The following CCDC3 variants were observed in gnomAD, a reference collection of about 807,000 sequenced individuals.
CCDC3 encodes coiled-coil domain containing 3, also known as coiled-coil domain-containing protein 3.
In CCDC3, 24 loss-of-function variants were observed where a neutral mutation model predicts 21.4. The observed-to-expected ratio is 1.12, with a 90% CI of 0.81 to 1.58. CCDC3 has a LOEUF of 1.58. CCDC3 is among the 40% of genes most tolerant of loss of function. The pLI is 0.00. For synonymous variants in CCDC3, 186 were observed against 166.0 expected, an observed-to-expected ratio of 1.12 and a Z score of -0.93; for missense variants, 425 against 360.9, an observed-to-expected ratio of 1.18 and a Z score of -1.44.
Position 13,016,907 on chromosome 10 carries a change from C to A in CCDC3, c.-1-18395G>T, listed in dbSNP as rs908077051. 3.9e-5 allele frequency among the ~76,000 whole-genome samples: 6 copies of A among 151,992 alleles called. 1 individual carries two copies. Among genetic ancestry groups the A allele is most frequent in the South Asian group, 4.2e-4 (2 of 4,810 alleles). On this transcript the variant is annotated intron_variant, in intron 5 of 6. Transcript: ENST00000378839. ...ATCCAGTGTGGGGACTAATATTTAG[C>A]CCGAATGACCCAGTCCATGACAATT...
intron 3 of CCDC3, among the ~76,000 whole-genome samples, chr10:13,076,363 C>G (rs936715690): frequency 6.6e-6 from 1 of 152,178 alleles, no homozygotes; most frequent in Non-Finnish European, 1.5e-5. Flanking sequence ...CTGGGCTGCC[C>G]TCCCCGAAAG....
In CCDC3 at chr10:13,095,027, G is replaced by C. The variant is rs373631779; in HGVS notation, c.-503+3498C>G. ...AATCCCAGAGCCTCATTCTGATGGA[G>C]GCTTCAACCATACACCTTGCTTCTC... On this transcript the variant is annotated intron_variant, in intron 3 of 6. Transcript: ENST00000378839. 4.6e-5 allele frequency among the ~76,000 whole-genome samples: 7 copies of C among 152,222 alleles called. No individual in the cohort carries two copies. In the East Asian group the frequency reaches 5.8e-4, roughly 13 times the overall value.
At chr10:12,923,779 C>T (rs1464964502) in intron 2 of CCDC3, among the ~76,000 whole-genome samples, 1 of 152,166 alleles carries the variant, frequency 6.6e-6, no homozygotes, top group Non-Finnish European at 1.5e-5. Flanking sequence ...GGCAGGTACT[C>T]GGTACATTTT....
chr10:13,020,358 C>G (rs1377967482), intron 5 of CCDC3, among the ~76,000 whole-genome samples: 1 of 152,186 alleles, frequency 6.6e-6, no homozygotes. Flanking sequence ...CTGTCATGAA[C>G]AGTTAGCGCG....
At chr10:12,906,116 G>A (rs979976234) in intron 2 of CCDC3, among the ~76,000 whole-genome samples, 3 of 152,176 alleles carry the variant, frequency 2.0e-5, no homozygotes, top group Admixed American at 2.0e-4. Flanking sequence ...CCACGTCCAC[G>A]CAGAACGGTT....
chr10:13,044,847 A>C (rs1836502767), intron 5 of CCDC3, among the ~76,000 whole-genome samples: 2 of 152,240 alleles, frequency 1.3e-5, no homozygotes, highest in South Asian at 4.1e-4. Flanking sequence ...GCAGTTTAAT[A>C]GAAATAGTGT....
chr10:13,067,714 C>T (rs1455139889), intron 4 of CCDC3, among the ~76,000 whole-genome samples: 1 of 152,182 alleles, frequency 6.6e-6, no homozygotes, highest in Non-Finnish European at 1.5e-5. Flanking sequence ...GTTGCTGATT[C>T]TCTTCCCCTC....
exon 5 of CCDC3, chr10:13,049,840 A>G (rs1271476275): frequency 1.3e-5 from 2 of 152,186 alleles, no homozygotes; most frequent in Non-Finnish European, 2.9e-5. Context: ...AAATTTATCC[A>G]GGTGTGGAGA....
chr10:12,916,252 T>TG (rs1834353460), intron 2 of CCDC3, among the ~76,000 whole-genome samples: 1 of 151,956 alleles, frequency 6.6e-6, no homozygotes, highest in Non-Finnish European at 1.5e-5. Context: ...GCCAACATGG[T>TG]GAAACCCCGT....
upstream of CCDC3, among the ~76,000 whole-genome samples, chr10:13,002,323 T>G (rs987326903): frequency 4.6e-5 from 7 of 152,118 alleles, no homozygotes; most frequent in African/African-American, 1.7e-4. Context: ...CATCAGTGAG[T>G]GAATTTGAGG....
intron 5 of CCDC3, among the ~76,000 whole-genome samples, chr10:13,045,158 A>G (rs1428809160): frequency 6.6e-6 from 1 of 152,342 alleles, no homozygotes; most frequent in Admixed American, 6.5e-5. Context: ...AATGTGATAT[A>G]TTCAATGCCT....
intron 2 of CCDC3, among the ~76,000 whole-genome samples, chr10:12,909,381 G>A (rs555293507): frequency 7.2e-4 from 110 of 152,168 alleles, no homozygotes; most frequent in Non-Finnish European, 1.3e-3. Context: ...TCTCCCCACC[G>A]TGCCCAGCAG....
chr10:12,978,071 T>C (rs895431090), intron 2 of CCDC3, among the ~76,000 whole-genome samples: 1 of 151,538 alleles, frequency 6.6e-6, no homozygotes, highest in East Asian at 1.9e-4. Context: ...CAGGCTGGAG[T>C]GCAGTGACAC....
intron 3 of CCDC3, among the ~76,000 whole-genome samples, chr10:13,085,008 A>G (rs1375566454): frequency 6.6e-6 from 1 of 152,180 alleles, no homozygotes; most frequent in Non-Finnish European, 1.5e-5. Context: ...CTGGTTTCAC[A>G]CTTGTTCAGA....
intron 3 of CCDC3, among the ~76,000 whole-genome samples, chr10:13,087,156 G>C (rs1444974133): frequency 6.6e-6 from 1 of 152,190 alleles, no homozygotes; most frequent in Admixed American, 6.5e-5. Context: ...TGTAATCCCA[G>C]CACTTTGGAA....
At chr10:12,901,108 G>T (rs35092545) in intron 2 of CCDC3, among the ~76,000 whole-genome samples, 33,030 of 151,902 alleles carry the variant, frequency 0.22, 4,189 homozygotes, top group Non-Finnish European at 0.29. Flanking sequence ...ATCTCTGAAG[G>T]GCGGTCCCCA....
intron 3 of CCDC3, among the ~76,000 whole-genome samples, chr10:13,088,550 T>A (rs1837140274): frequency 6.6e-6 from 1 of 151,898 alleles, no homozygotes; most frequent in African/African-American, 2.4e-5. Context: ...GAACTAGAGA[T>A]GAAAACTAAG....
At chr10:13,079,038 C>T (rs1837000633) in intron 3 of CCDC3, among the ~76,000 whole-genome samples, 1 of 152,138 alleles carries the variant, frequency 6.6e-6, no homozygotes, top group African/African-American at 2.4e-5. Flanking sequence ...TGCTTCCCTT[C>T]TTTATTCAGG....
chr10:12,996,501 A>C (rs1245314165), intron 2 of CCDC3, among the ~76,000 whole-genome samples: 2 of 152,030 alleles, frequency 1.3e-5, no homozygotes, highest in Non-Finnish European at 2.9e-5. Flanking sequence ...CTGCCCAGCT[A>C]ATTTTTGTAT....
Sources: gnomAD v4.1 joint callset for allele counts (sites outside exome capture counted in the v4.1 genomes callset) on GRCh38, gnomAD v4.1.1 for gene constraint, MANE v1.5 for transcripts, NCBI Gene and HGNC (gene_info 2026-07-23, HGNC 2026-07-21) for gene names.